The following MBD5 variants were observed in gnomAD, a reference collection of about 807,000 sequenced individuals.
MBD5 encodes the protein methyl-CpG-binding domain protein 5.
Under a neutral mutation model 117.3 loss-of-function variants are expected in MBD5, and 13 were observed. The observed-to-expected ratio is 0.11, with a 90% CI of 0.07 to 0.18. The LOEUF (loss-of-function observed/expected upper bound fraction) is 0.18, where lower values mean the gene tolerates loss of function less well. MBD5 is among the 10% of genes least tolerant of loss of function. The pLI is 1.00. For missense variants in MBD5, 1,879 were observed against 2,093.8 expected (o/e 0.90, Z 2.00); for synonymous variants, 727 against 766.4 (o/e 0.95, Z 0.85).
intron 3 of MBD5, chr2:148,330,734 TG>T (rs1419369438): frequency 6.6e-6 from 1 of 152,136 alleles, no homozygotes; most frequent in East Asian, 1.9e-4. Flanking sequence ...AAGATCAGTG[TG>T]GAGGAGTAGG....
At chr2:148,174,600 C>G (rs766517847) in intron 1 of MBD5, among the ~76,000 whole-genome samples, 15 of 150,732 alleles carry the variant, frequency 1.0e-4, no homozygotes, top group Non-Finnish European at 1.9e-4. Flanking sequence ...ACCTGAATAG[C>G]AAGAAAATTT....
chr2:148,328,796 C>T (rs539564665), intron 3 of MBD5, among the ~76,000 whole-genome samples: 7 of 152,202 alleles, frequency 4.6e-5, no homozygotes, highest in Non-Finnish European at 7.3e-5. Flanking sequence ...AGAAATCACC[C>T]GTCTTCTGCG....
intron 3 of MBD5, among the ~76,000 whole-genome samples, chr2:148,303,372 G>T (rs532852226): frequency 2.6e-5 from 4 of 152,198 alleles, no homozygotes; most frequent in Non-Finnish European, 5.9e-5. Flanking sequence ...AAAAGTCTGT[G>T]TGGCTACATG....
chr2:148,392,283 C>CA (rs1178091442), intron 4 of MBD5, among the ~76,000 whole-genome samples: 7 of 152,092 alleles, frequency 4.6e-5, no homozygotes, highest in African/African-American at 1.7e-4. Flanking sequence ...CTTTTATTAG[C>CA]AAAAATAAAC....
At chr2:148,431,854 T>G (rs535650737) in intron 4 of MBD5, among the ~76,000 whole-genome samples, 1 of 152,146 alleles carries the variant, frequency 6.6e-6, no homozygotes, top group Admixed American at 6.6e-5. Context: ...TACACGTGCA[T>G]GTGTCTTTAT....
intron 13 of MBD5, among the ~76,000 whole-genome samples, chr2:148,512,519 C>A (rs1375644995): frequency 1.3e-5 from 2 of 152,146 alleles, no homozygotes; most frequent in African/African-American, 4.8e-5. Context: ...GATCTAGGGT[C>A]TCTGACAGGG....
intron 3 of MBD5, among the ~76,000 whole-genome samples, chr2:148,320,088 A>G (rs1580063): frequency 0.49 from 74,048 of 152,010 alleles, 18,734 homozygotes; most frequent in Non-Finnish European, 0.57. Context: ...ATCTTTGCAT[A>G]AATCCTACCT....
chr2:148,221,561 T>G (rs1699687076), intron 2 of MBD5, among the ~76,000 whole-genome samples: 1 of 152,190 alleles, frequency 6.6e-6, no homozygotes, highest in African/African-American at 2.4e-5. Flanking sequence ...TTCCATGGCT[T>G]CTTTTGAGAA....
intron 1 of MBD5, among the ~76,000 whole-genome samples, chr2:148,049,202 A>G (rs950822582): frequency 1.3e-5 from 2 of 152,190 alleles, no homozygotes; most frequent in African/African-American, 2.4e-5. Flanking sequence ...CTGCCCAGTG[A>G]TTGTACCCAG....
At chr2:148,047,319 A>G (rs1255012502) in intron 1 of MBD5, among the ~76,000 whole-genome samples, 2 of 152,218 alleles carry the variant, frequency 1.3e-5, no homozygotes, top group African/African-American at 2.4e-5. Flanking sequence ...AACTAAGACC[A>G]TGACCTTTAC....
chr2:148,121,099 G>A (rs1001869321), intron 1 of MBD5, among the ~76,000 whole-genome samples: 2 of 152,124 alleles, frequency 1.3e-5, no homozygotes, highest in Non-Finnish European at 2.9e-5. Flanking sequence ...ATTGTCTAGT[G>A]CATCCGTTTT....
Position 148,161,609 on chromosome 2 carries a change from G to A in MBD5, c.-924-17091G>A, listed in dbSNP as rs563850540. Among the ~76,000 whole-genome samples the A allele has an allele frequency of 3.9e-5, 6 of 152,232 alleles. No homozygotes were observed. In the South Asian group the frequency reaches 1.2e-3, roughly 32 times the overall value. The stretch of plus-strand genomic sequence containing the variant: ...AGTGTAGCCGTTTACTAGGGGAACA[G>A]ACAGGCTGATTATTTGGGACAATGT... On this transcript the variant is annotated intron_variant, in intron 1 of 13. Transcript: ENST00000642680.
At chr2:148,397,907 G>T (rs915028254) in intron 4 of MBD5, among the ~76,000 whole-genome samples, 2 of 151,658 alleles carry the variant, frequency 1.3e-5, no homozygotes, top group Non-Finnish European at 2.9e-5. Context: ...GCAGTGTTTG[G>T]TTTTTTGTCT....
intron 4 of MBD5, among the ~76,000 whole-genome samples, chr2:148,380,068 G>A (rs1704092204): frequency 6.6e-6 from 1 of 152,002 alleles, no homozygotes; most frequent in Admixed American, 6.5e-5. Context: ...GTTATGCCAG[G>A]CAAACACCAA....
intron 3 of MBD5, among the ~76,000 whole-genome samples, chr2:148,314,270 A>T (rs1702103467): frequency 6.7e-6 from 1 of 148,648 alleles, no homozygotes. Context: ...GCAAAAGGAA[A>T]TTTTTTTTTT....
rs1251751988 is a variant in MBD5 at position 148,074,480 on chromosome 2, G to GT, written c.-925+52799dup. Among the ~76,000 whole-genome samples the GT allele has an allele frequency of 1.5e-3, 187 of 123,484 alleles. 2 individuals carry two copies. The highest frequency in any genetic ancestry group is 0.013 in the Middle Eastern group (3 of 236). 81.0% of individuals were successfully genotyped at this position (123,484 alleles called of 152,430 possible). On this transcript the variant is annotated intron_variant, in intron 1 of 13. Coordinates refer to ENST00000642680, the MANE Select transcript of MBD5 (RefSeq NM_001378120.1). The stretch of plus-strand genomic sequence containing the variant: ...GGAAACTAGTACCTTCAAAGGAATA[G>GT]TTTGTTTTTTTTTTGTTTTTTTTTT...
chr2:148,311,380 T>A (rs1702026738), intron 3 of MBD5, among the ~76,000 whole-genome samples: 1 of 152,242 alleles, frequency 6.6e-6, no homozygotes, highest in Non-Finnish European at 1.5e-5. Flanking sequence ...TCTTGTTGCA[T>A]TGATCCTTTT....
chr2:148,310,712 T>G (rs1702008532), intron 3 of MBD5, among the ~76,000 whole-genome samples: 1 of 152,218 alleles, frequency 6.6e-6, no homozygotes, highest in African/African-American at 2.4e-5. Flanking sequence ...TTGCTCTTAC[T>G]TCTTAGTTCT....
chr2:148,203,965 C>A (rs1699210564), intron 2 of MBD5, among the ~76,000 whole-genome samples: 1 of 152,130 alleles, frequency 6.6e-6, no homozygotes, highest in South Asian at 2.1e-4. Flanking sequence ...TTTTGCATCC[C>A]CTTTTGCCTA....
Sources: gnomAD v4.1 joint callset for allele counts (sites outside exome capture counted in the v4.1 genomes callset) on GRCh38, gnomAD v4.1.1 for gene constraint, MANE v1.5 for transcripts, NCBI Gene and HGNC (gene_info 2026-07-23, HGNC 2026-07-21) for gene names.